Variants in ZC3H3 observed in about 807,000 individuals in gnomAD.
ZC3H3 encodes zinc finger CCCH domain-containing protein 3.
In ZC3H3, 36 loss-of-function variants were observed where a neutral mutation model predicts 77.3. The observed-to-expected ratio is 0.47, with a 90% confidence interval of 0.36 to 0.61. The LOEUF (loss-of-function observed/expected upper bound fraction) is 0.61, where lower values mean the gene tolerates loss of function less well. Among genes scored for constraint, ZC3H3 ranks in the 20% least tolerant of loss-of-function variants. The pLI is 0.00. For synonymous variants in ZC3H3, 626 were observed against 555.2 expected (o/e 1.13, Z -1.79); for missense variants, 1,331 against 1,312.2 (o/e 1.01, Z -0.22).
chr8:143,439,830 C>T (rs1212585687), intron 11 of ZC3H3, among the ~76,000 whole-genome samples: 1 of 148,772 alleles, frequency 6.7e-6, no homozygotes, highest in African/African-American at 2.6e-5. Context: ...TACCTGAGCC[C>T]TTGGTGAGGG....
At chr8:143,501,480 G>A (rs1203602126) in intron 4 of ZC3H3, among the ~76,000 whole-genome samples, 1 of 152,208 alleles carries the variant, frequency 6.6e-6, no homozygotes, top group Non-Finnish European at 1.5e-5. Context: ...CTGGGATTAT[G>A]AGTGTGAGCC....
At chr8:143,451,137 G>C (rs1342683300) in intron 9 of ZC3H3, among the ~76,000 whole-genome samples, 1 of 152,108 alleles carries the variant, frequency 6.6e-6, no homozygotes, top group Non-Finnish European at 1.5e-5. Flanking sequence ...AAGCACATCA[G>C]CCAGAACCCA....
At chr8:143,455,695 G>A (rs922694384) in intron 9 of ZC3H3, among the ~76,000 whole-genome samples, 14 of 152,160 alleles carry the variant, frequency 9.2e-5, no homozygotes, top group Admixed American at 2.0e-4. Context: ...AAAGGCAGCC[G>A]GGCGTGATGG....
At chr8:143,534,211 CA>C (rs1490249394) in intron 3 of ZC3H3, among the ~76,000 whole-genome samples, 1 of 147,576 alleles carries the variant, frequency 6.8e-6, no homozygotes, top group Non-Finnish European at 1.5e-5. Flanking sequence ...GTTGAGGCTG[CA>C]ATGAGCTGTG....
intron 4 of ZC3H3, among the ~76,000 whole-genome samples, chr8:143,477,435 G>T (rs552761578): frequency 2.8e-4 from 43 of 152,286 alleles, no homozygotes; most frequent in African/African-American, 1.0e-3. Flanking sequence ...GCACTGTCTG[G>T]GCCAGAGGGG....
chr8:143,512,893 G>A (rs535385806), intron 3 of ZC3H3, among the ~76,000 whole-genome samples: 21 of 152,346 alleles, frequency 1.4e-4, no homozygotes, highest in Admixed American at 4.6e-4. Flanking sequence ...CACGCAGCGG[G>A]CAGGACCCCG....
chr8:143,469,855 C>G (rs941140124), intron 5 of ZC3H3, among the ~76,000 whole-genome samples: 4 of 152,192 alleles, frequency 2.6e-5, no homozygotes, highest in African/African-American at 9.7e-5. Context: ...CAGACCAGAT[C>G]CAATTTCCTA....
At chr8:143,444,003 C>A (rs996218481) in intron 9 of ZC3H3, among the ~76,000 whole-genome samples, 1 of 139,978 alleles carries the variant, frequency 7.1e-6, no homozygotes, top group Non-Finnish European at 1.5e-5. Context: ...GAGACAGAGT[C>A]TTGCTCTGTT....
At chr8:143,490,076 G>A (rs982260433) in intron 4 of ZC3H3, among the ~76,000 whole-genome samples, 3 of 152,198 alleles carry the variant, frequency 2.0e-5, no homozygotes, top group African/African-American at 7.2e-5. Flanking sequence ...CGCCCAGCAA[G>A]CACCTGACAC....
chr8:143,539,569 C>T (rs1822941820), intron 1 of ZC3H3, among the ~76,000 whole-genome samples: 1 of 152,220 alleles, frequency 6.6e-6, no homozygotes, highest in African/African-American at 2.4e-5. Flanking sequence ...GCCTGCTTCA[C>T]ACAGAAATGA....
intron 5 of ZC3H3, 75 bp from the exon 6 acceptor site, chr8:143,468,734 G>C: frequency 6.7e-7 from 1 of 1,495,680 alleles, no homozygotes; most frequent in African/African-American, 1.4e-5. Flanking sequence ...GACCCCCTTA[G>C]TCGAGGCCCT....
At chr8:143,481,446 C>T (rs1310009228) in intron 4 of ZC3H3, among the ~76,000 whole-genome samples, 5 of 152,214 alleles carry the variant, frequency 3.3e-5, no homozygotes, top group East Asian at 1.9e-4. Flanking sequence ...GAGGAGAACA[C>T]CTGGGAACAG....
At chr8:143,528,728 G>A (rs914160471) in intron 3 of ZC3H3, among the ~76,000 whole-genome samples, 8 of 152,188 alleles carry the variant, frequency 5.3e-5, no homozygotes, top group Non-Finnish European at 8.8e-5. Context: ...CTCACCCCTC[G>A]GTTGCCCGCT....
intron 4 of ZC3H3, among the ~76,000 whole-genome samples, chr8:143,498,869 G>A (rs1821436891): frequency 9.0e-6 from 1 of 111,368 alleles, no homozygotes; most frequent in African/African-American, 3.5e-5. Flanking sequence ...AGGGCAGGGG[G>A]TACAGGGCGG....
At chr8:143,500,479 T>G (rs1230451931) in intron 4 of ZC3H3, among the ~76,000 whole-genome samples, 1 of 152,248 alleles carries the variant, frequency 6.6e-6, no homozygotes. Flanking sequence ...CGTCTCTGGC[T>G]CTCACCAGAT....
chr8:143,441,758 G>T (rs922769372), intron 9 of ZC3H3, among the ~76,000 whole-genome samples: 6 of 152,138 alleles, frequency 3.9e-5, no homozygotes, highest in African/African-American at 1.4e-4. Context: ...GCCCAGCCTG[G>T]CCTGTGGTGC....
intron 4 of ZC3H3, among the ~76,000 whole-genome samples, chr8:143,480,490 T>C (rs559589806): frequency 6.6e-6 from 1 of 152,326 alleles, no homozygotes; most frequent in South Asian, 2.1e-4. Flanking sequence ...GGCCACGTCA[T>C]TGATCCTGGG....
chr8:143,474,300 G>C (rs1457477785), intron 5 of ZC3H3, among the ~76,000 whole-genome samples: 1 of 152,172 alleles, frequency 6.6e-6, no homozygotes, highest in Non-Finnish European at 1.5e-5. Flanking sequence ...AAGGGACCCA[G>C]GGCTTCTCAC....
At chr8:143,535,851 G>A (rs1053271465) in intron 3 of ZC3H3, among the ~76,000 whole-genome samples, 2 of 152,278 alleles carry the variant, frequency 1.3e-5, no homozygotes, top group Non-Finnish European at 2.9e-5. Flanking sequence ...GGGCAGGGCA[G>A]GTAGACCTGC....
Sources: gnomAD v4.1 joint callset for allele counts (sites outside exome capture counted in the v4.1 genomes callset) on GRCh38, gnomAD v4.1.1 for gene constraint, MANE v1.5 for transcripts, NCBI Gene and HGNC (gene_info 2026-07-23, HGNC 2026-07-21) for gene names.